The following PTPRT variants were observed in gnomAD, a reference collection of about 807,000 sequenced individuals.
PTPRT encodes the protein protein tyrosine phosphatase receptor type T.
PTPRT carries 56 observed loss-of-function variants against 176.8 expected under a neutral mutation model. The observed-to-expected ratio is 0.32, with a 90% confidence interval of 0.26 to 0.40. PTPRT has a LOEUF of 0.40. Ranked by LOEUF, PTPRT falls within the 10% of genes least tolerant of loss-of-function variation. The probability of loss-of-function intolerance (pLI) is 1.00; values close to 1 mark genes in which losing one functional copy is unlikely to be tolerated. For synonymous variants in PTPRT, 783 were observed against 739.0 expected, an observed-to-expected ratio of 1.06 and a Z score of -0.96; for missense variants, 1,540 against 1,908.2, an observed-to-expected ratio of 0.81 and a Z score of 3.60.
chr20:42,650,979 G>A (rs1312817686), intron 7 of PTPRT, among the ~76,000 whole-genome samples: 1 of 151,918 alleles, frequency 6.6e-6, no homozygotes, highest in Non-Finnish European at 1.5e-5. Flanking sequence ...TCTCCAGAGA[G>A]GCCCCCAAAA....
In PTPRT at chr20:42,522,260, T is replaced by C. The variant is rs75660057; in HGVS notation, c.1154-49698A>G. On this transcript the variant is annotated intron_variant, in intron 7 of 30. Coordinates refer to ENST00000373187, the MANE Select transcript of PTPRT (RefSeq NM_007050.6). ...TATTCGTGTGTGACTTCTACCTTAG[T>C]CTCCATTTCTTAGATATATTTTCTT... Among the ~76,000 whole-genome samples, 535 of 151,260 alleles carry C rather than the reference T, an allele frequency of 3.5e-3. 6 individuals carry two copies. The highest frequency in any genetic ancestry group is 0.012 in the African/African-American group (508 of 41,112).
At chr20:42,581,731 T>C (rs1488457443) in intron 7 of PTPRT, among the ~76,000 whole-genome samples, 2 of 152,162 alleles carry the variant, frequency 1.3e-5, no homozygotes, top group African/African-American at 4.8e-5. Context: ...GAAAATTGCA[T>C]TGCCTTTAAG....
chr20:43,073,000 A>T (rs887107240), intron 1 of PTPRT, among the ~76,000 whole-genome samples: 9 of 152,234 alleles, frequency 5.9e-5, no homozygotes, highest in Non-Finnish European at 1.2e-4. Flanking sequence ...GGAGGAATAA[A>T]AGACCATCTG....
intron 9 of PTPRT, among the ~76,000 whole-genome samples, chr20:42,352,879 A>T (rs2145529010): frequency 6.6e-6 from 1 of 152,330 alleles, no homozygotes; most frequent in Non-Finnish European, 1.5e-5. Flanking sequence ...TTTTTAAAAA[A>T]AGAAACAGAG....
intron 8 of PTPRT, among the ~76,000 whole-genome samples, chr20:42,457,182 T>C (rs553186765): frequency 6.6e-6 from 1 of 152,292 alleles, no homozygotes; most frequent in South Asian, 2.1e-4. Context: ...TGACCTTGCT[T>C]TTCCTTATAC....
At chr20:42,047,031 T>C in the PTPRT span, among the ~76,000 whole-genome samples, 23 of 152,198 alleles carry the variant, frequency 1.5e-4, no homozygotes, top group Non-Finnish European at 2.9e-4. Flanking sequence ...CACTGTGCCA[T>C]GTGGATTAAT....
At chr20:42,448,481 C>T in intron 8 of PTPRT, 152 bp from the exon 9 acceptor site, 1 of 624,862 alleles carries the variant, frequency 1.6e-6, no homozygotes, top group Non-Finnish European at 2.9e-6. Flanking sequence ...GTTACAACTA[C>T]TCAACTCTGT....
chr20:42,264,764 C>T (rs1474139867), intron 13 of PTPRT, among the ~76,000 whole-genome samples: 1 of 152,230 alleles, frequency 6.6e-6, no homozygotes, highest in Non-Finnish European at 1.5e-5. Context: ...CTGTGCCCAG[C>T]CATCCACCTT....
chr20:42,848,516 T>C (rs1326380255), intron 2 of PTPRT, among the ~76,000 whole-genome samples: 1 of 152,242 alleles, frequency 6.6e-6, no homozygotes, highest in African/African-American at 2.4e-5. Flanking sequence ...TGGCCATTCT[T>C]GCAGGAGGAG....
At chr20:42,771,668 T>G in intron 4 of PTPRT, 118 bp from the exon 5 acceptor site, 1 of 758,430 alleles carries the variant, frequency 1.3e-6, no homozygotes, top group Middle Eastern at 3.4e-4. Flanking sequence ...ACTTAAGAAG[T>G]AGCCCGGCTC....
intron 2 of PTPRT, among the ~76,000 whole-genome samples, chr20:42,848,535 T>G (rs189481935): frequency 1.9e-4 from 29 of 152,362 alleles, no homozygotes; most frequent in Admixed American, 4.6e-4. Flanking sequence ...AGTAAAGTGG[T>G]AACACACTGT....
chr20:42,562,840 A>G (rs1001050418), intron 7 of PTPRT, among the ~76,000 whole-genome samples: 2 of 152,180 alleles, frequency 1.3e-5, no homozygotes, highest in Admixed American at 6.5e-5. Flanking sequence ...AATATGCCTT[A>G]TTCTCCTTCT....
At chr20:42,892,555 T>G (rs183271445) in intron 1 of PTPRT, among the ~76,000 whole-genome samples, 32 of 151,794 alleles carry the variant, frequency 2.1e-4, no homozygotes, top group Non-Finnish European at 3.8e-4. Context: ...TTGCCCTCCG[T>G]GGTAGGCACT....
At chr20:42,987,140 C>A (rs957586665) in intron 1 of PTPRT, among the ~76,000 whole-genome samples, 4 of 152,006 alleles carry the variant, frequency 2.6e-5, no homozygotes, top group Non-Finnish European at 4.4e-5. Flanking sequence ...CTGTTGTTTC[C>A]ACCCATCCTC....
At chr20:42,323,051 C>G (rs1276039878) in intron 11 of PTPRT, among the ~76,000 whole-genome samples, 14 of 151,790 alleles carry the variant, frequency 9.2e-5, no homozygotes, top group Non-Finnish European at 2.1e-4. Flanking sequence ...AAATCAAAAC[C>G]ACAATGAGAT....
chr20:42,840,416 AT>A (rs768890775), intron 2 of PTPRT, among the ~76,000 whole-genome samples: 1 of 151,648 alleles, frequency 6.6e-6, no homozygotes, highest in Non-Finnish European at 1.5e-5. Context: ...TTTTATTTTC[AT>A]TTTTTTGGTG....
intron 17 of PTPRT, 132 bp downstream of exon 17, chr20:42,161,220 T>C (rs542430603): frequency 1.7e-5 from 17 of 976,442 alleles, no homozygotes; most frequent in East Asian, 1.0e-4. Context: ...GCCTGAGATG[T>C]TGCATTTCCT....
At chr20:42,489,487 C>CATACCTAG (rs1412009468) in intron 7 of PTPRT, among the ~76,000 whole-genome samples, 1 of 150,668 alleles carries the variant, frequency 6.6e-6, no homozygotes, top group Non-Finnish European at 1.5e-5. Flanking sequence ...GTTCCTCGAG[C>CATACCTAG]ATACCTAGCC....
intron 15 of PTPRT, among the ~76,000 whole-genome samples, chr20:42,219,193 G>A (rs1216813700): frequency 6.6e-6 from 1 of 152,140 alleles, no homozygotes; most frequent in African/African-American, 2.4e-5. Context: ...CTAAAGAAAA[G>A]CAATTGAATT....
Sources: gnomAD v4.1 joint callset for allele counts (sites outside exome capture counted in the v4.1 genomes callset) on GRCh38, gnomAD v4.1.1 for gene constraint, MANE v1.5 for transcripts, NCBI Gene and HGNC (gene_info 2026-07-23, HGNC 2026-07-21) for gene names.